NTRK3: variants seen among roughly 807,000 people sequenced by gnomAD.
NTRK3 encodes the protein NT-3 growth factor receptor.
NTRK3 carries 24 observed loss-of-function variants against 91.7 expected under a neutral mutation model. The ratio of observed to expected loss-of-function variants is 0.26; its 90% confidence interval spans 0.19 to 0.37. The LOEUF (loss-of-function observed/expected upper bound fraction) is 0.37. Ranked by LOEUF, NTRK3 falls within the 10% of genes least tolerant of loss-of-function variation. NTRK3 has a pLI of 1.00. For missense variants in NTRK3, 880 were observed against 1,068.9 expected, an observed-to-expected ratio of 0.82 and a Z score of 2.46; for synonymous variants, 483 against 404.0, an observed-to-expected ratio of 1.20 and a Z score of -2.34.
chr15:88,136,147 G>T, intron 8 of NTRK3, 107 bp from the exon 9 acceptor site: 1 of 1,410,538 alleles, frequency 7.1e-7, no homozygotes, highest in Non-Finnish European at 1.0e-6. Flanking sequence ...TGAGCGGAAG[G>T]CGAAGGAGAT....
chr15:87,896,352 TC>T (rs1749135143), intron 17 of NTRK3, among the ~76,000 whole-genome samples: 1 of 151,588 alleles, frequency 6.6e-6, no homozygotes, highest in South Asian at 2.1e-4. Flanking sequence ...ACACCTGTAG[TC>T]CCAACTACTC....
chr15:88,027,443 C>G (rs541846860), intron 14 of NTRK3, among the ~76,000 whole-genome samples: 3 of 152,276 alleles, frequency 2.0e-5, no homozygotes, highest in Admixed American at 2.0e-4. Context: ...AGTGCAGTGG[C>G]GCAACCTCGG....
chr15:88,136,125 C>A, intron 8 of NTRK3, 85 bp from the exon 9 acceptor site: 1 of 1,540,148 alleles, frequency 6.5e-7, no homozygotes, highest in South Asian at 1.1e-5. Context: ...CTTTAGGAAT[C>A]AAAAGGAAAG....
At chr15:88,060,477 A>T (rs1227922332) in intron 13 of NTRK3, among the ~76,000 whole-genome samples, 1 of 151,840 alleles carries the variant, frequency 6.6e-6, no homozygotes, top group African/African-American at 2.4e-5. Context: ...GTCCCCAGGG[A>T]AACAGGAGGC....
intron 14 of NTRK3, among the ~76,000 whole-genome samples, chr15:87,953,922 C>T (rs951245534): frequency 1.6e-4 from 24 of 152,140 alleles, no homozygotes; most frequent in African/African-American, 5.3e-4. Context: ...CCCATCTGCC[C>T]CTCCTCCGTG....
chr15:87,877,484 G>A (rs2065001993), intron 18 of NTRK3, among the ~76,000 whole-genome samples: 1 of 152,074 alleles, frequency 6.6e-6, no homozygotes, highest in Non-Finnish European at 1.5e-5. Flanking sequence ...TAGTGGACAT[G>A]GGCTTCTGAC....
intron 5 of NTRK3, among the ~76,000 whole-genome samples, chr15:88,172,226 G>A (rs1330462340): frequency 6.6e-6 from 1 of 152,204 alleles, no homozygotes; most frequent in East Asian, 1.9e-4. Context: ...GAGGAAACAA[G>A]GGAGAAAGAG....
At chr15:87,908,953 G>T (rs1305335615) in intron 17 of NTRK3, among the ~76,000 whole-genome samples, 2 of 152,052 alleles carry the variant, frequency 1.3e-5, no homozygotes, top group African/African-American at 4.8e-5. Flanking sequence ...CCAACCTACT[G>T]CTTGGAGAGG....
intron 5 of NTRK3, among the ~76,000 whole-genome samples, chr15:88,182,218 G>A (rs1394159550): frequency 1.3e-5 from 2 of 152,132 alleles, no homozygotes; most frequent in Non-Finnish European, 2.9e-5. Context: ...AGCAGAGGTG[G>A]CCATACTGAT....
chr15:88,214,479 C>A (rs761934903), intron 3 of NTRK3, among the ~76,000 whole-genome samples: 4 of 152,058 alleles, frequency 2.6e-5, no homozygotes, highest in Non-Finnish European at 4.4e-5. Context: ...TGCTATATAA[C>A]CTCATCTTAA....
At chr15:88,161,509 T>C (rs1457499756) in intron 5 of NTRK3, among the ~76,000 whole-genome samples, 1 of 152,152 alleles carries the variant, frequency 6.6e-6, no homozygotes, top group Non-Finnish European at 1.5e-5. Context: ...CCCCCAGGTC[T>C]GGAAAGACTT....
Position 88,011,249 on chromosome 15 carries a change from G to A in NTRK3, c.1585+21608C>T, listed in dbSNP as rs573940234. ...GTTCCCTCCACCAGGTCAGCCTCTC[G>A]CTTCTTGCTGTCTAGAATTCCTATT... On this transcript the variant is annotated intron_variant, in intron 14 of 18. Transcript: ENST00000394480. 2.4e-4 allele frequency among the ~76,000 whole-genome samples: 36 copies of A among 152,152 alleles called. No homozygotes were observed. The East Asian group carries it at 6.2e-3, about 26-fold the overall frequency.
rs75751345 is a variant in NTRK3 at position 88,074,258 on chromosome 15, C to T, written c.1397-41213G>A. Among the ~76,000 whole-genome samples the T allele has an allele frequency of 9.6e-3, 1,467 of 152,246 alleles. 6 individuals are homozygous for T. Among genetic ancestry groups the T allele is most frequent in the Non-Finnish European group, 0.015 (1,022 of 68,014 alleles). On this transcript the variant is annotated intron_variant, in intron 13 of 18. Coordinates refer to ENST00000394480, the Ensembl canonical transcript of NTRK3. ...GCAGTGTCCTCTCTTGTCTTGCTGC[C>T]GGAAAGAACCAGGTGGCCTCTGGTC...
intron 17 of NTRK3, among the ~76,000 whole-genome samples, chr15:87,912,564 A>G (rs992050630): frequency 1.3e-5 from 2 of 152,072 alleles, no homozygotes; most frequent in Non-Finnish European, 2.9e-5. Flanking sequence ...GGAAGGGAGA[A>G]GAATGTCCTT....
chr15:87,965,269 C>G (rs559465399), intron 14 of NTRK3, among the ~76,000 whole-genome samples: 1 of 152,146 alleles, frequency 6.6e-6, no homozygotes, highest in Non-Finnish European at 1.5e-5. Context: ...ATATAAATTA[C>G]CTTTGTAATC....
chr15:88,098,319 G>A lies in NTRK3; in HGVS notation c.1396+27952C>T, dbSNP rs191923007. The stretch of plus-strand genomic sequence containing the variant: ...GTGGGATTTCAGAGAATCTGTTGAC[G>A]TAGCATCTACCAAAATCTCCCTTGG... On this transcript the variant is annotated intron_variant, in intron 13 of 18. Coordinates refer to ENST00000394480, the Ensembl canonical transcript of NTRK3. 7.8e-4 allele frequency among the ~76,000 whole-genome samples: 119 copies of A among 152,334 alleles called. 1 individual carries two copies. The highest frequency in any genetic ancestry group is 2.5e-3 in the African/African-American group (103 of 41,578).
chr15:88,140,393 C>A (rs954551877), intron 6 of NTRK3, among the ~76,000 whole-genome samples: 1 of 152,162 alleles, frequency 6.6e-6, no homozygotes, highest in African/African-American at 2.4e-5. Flanking sequence ...CAGCTGTAAC[C>A]CTGGCACGTG....
intron 17 of NTRK3, among the ~76,000 whole-genome samples, chr15:87,911,330 A>C (rs554038187): frequency 3.3e-5 from 5 of 152,320 alleles, no homozygotes; most frequent in Non-Finnish European, 7.3e-5. Flanking sequence ...ACCACTTTGC[A>C]CTTATCTAAG....
intron 10 of NTRK3, among the ~76,000 whole-genome samples, chr15:88,132,877 G>A (rs1225014222): frequency 6.6e-6 from 1 of 152,160 alleles, no homozygotes; most frequent in Non-Finnish European, 1.5e-5. Context: ...GGATGGAGAT[G>A]GGTCTGAGGA....
Sources: allele counts gnomAD v4.1 joint callset (sites outside exome capture counted in the v4.1 genomes callset), GRCh38; gene constraint gnomAD v4.1.1; transcripts MANE v1.5; gene names NCBI Gene and HGNC (gene_info 2026-07-23, HGNC 2026-07-21).